The following SLC10A7 variants were observed in gnomAD, a reference collection of about 807,000 sequenced individuals.
SLC10A7 encodes the protein solute carrier family 10 member 7, also known as sodium/bile acid cotransporter 7.
In SLC10A7, 29 loss-of-function variants were observed where a neutral mutation model predicts 43.2. The ratio of observed to expected loss-of-function variants is 0.67; its 90% CI spans 0.50 to 0.92. The LOEUF (loss-of-function observed/expected upper bound fraction) is 0.92. Ranked by LOEUF, SLC10A7 falls within the 40% of genes least tolerant of loss-of-function variation. SLC10A7 has a pLI of 0.00. For synonymous variants in SLC10A7, 152 were observed against 144.8 expected, an observed-to-expected ratio of 1.05 and a Z score of -0.35; for missense variants, 295 against 403.2, an observed-to-expected ratio of 0.73 and a Z score of 2.30.
At chr4:146,280,337 C>T (rs1484359544) in intron 10 of SLC10A7, among the ~76,000 whole-genome samples, 3 of 152,042 alleles carry the variant, frequency 2.0e-5, no homozygotes, top group Non-Finnish European at 2.9e-5. Flanking sequence ...CTGATATTAC[C>T]TAAAATTTCC....
chr4:146,360,492 G>A (rs1259675799), intron 5 of SLC10A7, among the ~76,000 whole-genome samples: 3 of 151,892 alleles, frequency 2.0e-5, no homozygotes, highest in East Asian at 3.9e-4. Flanking sequence ...CCAGGCTGGA[G>A]TATAGTGGCA....
chr4:146,399,166 C>G (rs559389312), intron 5 of SLC10A7, among the ~76,000 whole-genome samples: 1 of 152,002 alleles, frequency 6.6e-6, no homozygotes, highest in South Asian at 2.1e-4. Context: ...GTGTTCTAGA[C>G]ACAGGGGGTG....
chr4:146,273,019 T>C (rs1728989364), intron 10 of SLC10A7, among the ~76,000 whole-genome samples: 1 of 152,128 alleles, frequency 6.6e-6, no homozygotes, highest in Non-Finnish European at 1.5e-5. Context: ...AGTTGATTTT[T>C]AATGGGTAAA....
chr4:146,488,363 G>A (rs1308491126), intron 4 of SLC10A7, among the ~76,000 whole-genome samples: 5 of 152,166 alleles, frequency 3.3e-5, no homozygotes, highest in Non-Finnish European at 7.4e-5. Context: ...ATAAGGGAAA[G>A]AAATTATACT....
intron 10 of SLC10A7, among the ~76,000 whole-genome samples, chr4:146,259,688 A>G (rs1478575866): frequency 5.3e-5 from 8 of 152,234 alleles, no homozygotes; most frequent in Non-Finnish European, 1.2e-4. Context: ...CTATTCTATT[A>G]TACCAAGAGC....
chr4:146,459,621 A>G (rs1732360676), intron 4 of SLC10A7, among the ~76,000 whole-genome samples: 1 of 151,312 alleles, frequency 6.6e-6, no homozygotes, highest in Non-Finnish European at 1.5e-5. Context: ...CACACAAAAA[A>G]AAAAAACGAA....
At chr4:146,406,980 C>A (rs1055988823) in intron 5 of SLC10A7, among the ~76,000 whole-genome samples, 4 of 152,058 alleles carry the variant, frequency 2.6e-5, no homozygotes, top group African/African-American at 7.2e-5. Context: ...GAGACTACAT[C>A]TGAAAAAACA....
At chr4:146,319,897 C>T (rs57713263) in intron 6 of SLC10A7, among the ~76,000 whole-genome samples, 34,518 of 151,846 alleles carry the variant, frequency 0.23, 4,234 homozygotes, top group African/African-American at 0.32. Context: ...CAAAAAACTT[C>T]CTTTAGAGGG....
chr4:146,515,776 G>A (rs530239595), intron 2 of SLC10A7, among the ~76,000 whole-genome samples: 1 of 151,988 alleles, frequency 6.6e-6, no homozygotes, highest in African/African-American at 2.4e-5. Context: ...CGGGCGTGGT[G>A]GTGGGTGCCT....
At chr4:146,318,535 C>A (rs1158307482) in intron 6 of SLC10A7, among the ~76,000 whole-genome samples, 1 of 152,078 alleles carries the variant, frequency 6.6e-6, no homozygotes, top group Non-Finnish European at 1.5e-5. Flanking sequence ...ATTGCAGTGT[C>A]CTAGCACTTG....
chr4:146,287,774 C>T (rs1306682780), intron 9 of SLC10A7, among the ~76,000 whole-genome samples: 1 of 152,120 alleles, frequency 6.6e-6, no homozygotes, highest in Non-Finnish European at 1.5e-5. Context: ...TTTTGTGGCC[C>T]TTGTTTATAT....
At chr4:146,339,808 GTT>G (rs376451032) in intron 5 of SLC10A7, among the ~76,000 whole-genome samples, 1 of 136,346 alleles carries the variant, frequency 7.3e-6, no homozygotes, top group Non-Finnish European at 1.6e-5. Flanking sequence ...TTCATTTGTC[GTT>G]TTTTTTTTTT....
intron 4 of SLC10A7, among the ~76,000 whole-genome samples, chr4:146,445,865 C>G (rs1731007976): frequency 6.7e-6 from 1 of 149,474 alleles, no homozygotes; most frequent in African/African-American, 2.5e-5. Flanking sequence ...GTTGTTCAAA[C>G]GCTTCTCTCT....
chr4:146,379,955 CTCTCTGTG>C (rs1417200124), intron 5 of SLC10A7, among the ~76,000 whole-genome samples: 1 of 144,930 alleles, frequency 6.9e-6, no homozygotes, highest in Non-Finnish European at 1.5e-5. Flanking sequence ...CTCTCTCTCT[CTCTCTGTG>C]TGTGTGTGTG....
At chr4:146,260,202 T>TA (rs33992286) in intron 10 of SLC10A7, among the ~76,000 whole-genome samples, 4 of 151,476 alleles carry the variant, frequency 2.6e-5, no homozygotes, top group Non-Finnish European at 4.4e-5. Flanking sequence ...GGCCTTTTTT[T>TA]AAAAAAAAGC....
At chr4:146,520,142 A>T (rs557925991) in intron 1 of SLC10A7, among the ~76,000 whole-genome samples, 2 of 152,358 alleles carry the variant, frequency 1.3e-5, no homozygotes, top group South Asian at 4.1e-4. Flanking sequence ...AAGATCATAC[A>T]TCCTCTGTAA....
chr4:146,521,814 G>A lies in SLC10A7; in HGVS notation c.-97C>T. 1.0e-6 allele frequency: 1 copy of A among 988,660 alleles called. No individual in the cohort carries two copies. The highest frequency in any genetic ancestry group is 1.6e-6 in the Non-Finnish European group (1 of 632,846). The allele number at this position is 988,660 out of a possible 1,614,324, so 61.2% of individuals were successfully genotyped here. A position where few individuals can be genotyped will look rare whatever the true frequency, so the allele number is the denominator to read the frequency against. ...TTGGAGCGTCTCCACACTTTCCTTG[G>A]TCCCTCCAGACATGCAGCAGAGCAA... is the stretch of plus-strand genomic sequence containing the variant. On this transcript the variant is annotated 5_prime_UTR_variant, in exon 1 of 12. Transcript: ENST00000335472.
chr4:146,512,358 A>T (rs1737563656), intron 2 of SLC10A7, among the ~76,000 whole-genome samples: 1 of 152,238 alleles, frequency 6.6e-6, no homozygotes, highest in African/African-American at 2.4e-5. Context: ...TATATAATTC[A>T]TATTCTTGGA....
chr4:146,332,481 T>C (rs1407991531), intron 5 of SLC10A7, among the ~76,000 whole-genome samples: 2 of 152,158 alleles, frequency 1.3e-5, no homozygotes, highest in Non-Finnish European at 2.9e-5. Flanking sequence ...ATTTTCATGA[T>C]AGTTAGTTCT....
Sources: gnomAD v4.1 joint callset for allele counts (sites outside exome capture counted in the v4.1 genomes callset) on GRCh38, gnomAD v4.1.1 for gene constraint, MANE v1.5 for transcripts, NCBI Gene and HGNC (gene_info 2026-07-23, HGNC 2026-07-21) for gene names.